CENPP: variants seen among roughly 807,000 people sequenced by gnomAD.
CENPP encodes the protein centromere protein P.
Under a neutral mutation model 35.6 loss-of-function variants are expected in CENPP, and 24 were observed. The observed-to-expected ratio is 0.67, with a 90% CI of 0.49 to 0.95. CENPP has a LOEUF of 0.95. Among genes scored for constraint, CENPP ranks in the 40% least tolerant of loss-of-function variants. The pLI, the probability that CENPP is intolerant of heterozygous loss-of-function variation, is 0.00. For missense variants in CENPP, 332 were observed against 345.3 expected, an observed-to-expected ratio of 0.96 and a Z score of 0.31; for synonymous variants, 120 against 125.5, an observed-to-expected ratio of 0.96 and a Z score of 0.29.
rs1199022445 is a variant in CENPP, at chr9:92,600,646, CT to C, written c.565-10667del. ...GTCATGCCCTGGTCGGCCATCCCTT[CT>C]GGTGGGGGTTGTGTTTTTGCTCCTG... is the stretch of plus-strand genomic sequence containing the variant. On this transcript the variant is annotated intron_variant, in intron 5 of 7. Coordinates refer to ENST00000375587, the MANE Select transcript of CENPP (RefSeq NM_001012267.3). 1.2e-4 allele frequency: 174 copies of C among 1,446,202 alleles called. No individual in the cohort carries two copies. The East Asian group carries it at 4.2e-3, about 35-fold the overall frequency. The allele number at this position is 1,446,202 out of a possible 1,614,324, so 89.6% of individuals were successfully genotyped here. A position where few individuals can be genotyped will look rare whatever the true frequency, so the allele number is the denominator to read the frequency against.
chr9:92,500,974 C>T, intron 5 of CENPP: 8 of 1,614,142 alleles, frequency 5.0e-6, no homozygotes, highest in Non-Finnish European at 6.8e-6. Context: ...CCAAGGAGTA[C>T]TAGGTGCAGC....
At chr9:92,541,424 C>G (rs1413081235) in intron 5 of CENPP, among the ~76,000 whole-genome samples, 2 of 136,750 alleles carry the variant, frequency 1.5e-5, no homozygotes, top group East Asian at 4.9e-4. Flanking sequence ...CCCTCCCCAC[C>G]CCGCCCACAC....
chr9:92,510,055 G>T (rs1394999299), intron 5 of CENPP: 1 of 1,582,974 alleles, frequency 6.3e-7, no homozygotes, highest in African/African-American at 1.4e-5. Flanking sequence ...AAATCTCAAA[G>T]TTACTTTTTT....
intron 5 of CENPP, among the ~76,000 whole-genome samples, chr9:92,380,979 T>C (rs1842228241): frequency 2.0e-5 from 3 of 152,222 alleles, no homozygotes; most frequent in Non-Finnish European, 4.4e-5. Context: ...TGGTCTTTGC[T>C]AGTTATAAAA....
At chr9:92,482,917 T>C (rs2131106255) in intron 5 of CENPP, among the ~76,000 whole-genome samples, 1 of 152,278 alleles carries the variant, frequency 6.6e-6, no homozygotes, top group African/African-American at 2.4e-5. Flanking sequence ...AGACTTTTTT[T>C]TTTTTTTAAG....
intron 5 of CENPP, among the ~76,000 whole-genome samples, chr9:92,523,503 A>G (rs1000513761): frequency 6.6e-6 from 1 of 152,192 alleles, no homozygotes; most frequent in African/African-American, 2.4e-5. Flanking sequence ...GATGGGAGCC[A>G]GGGGGCCAGT....
intron 4 of CENPP, among the ~76,000 whole-genome samples, chr9:92,362,267 C>G (rs2130835754): frequency 6.6e-6 from 1 of 152,148 alleles, no homozygotes; most frequent in East Asian, 1.9e-4. Context: ...ATAGTTCTAG[C>G]TACCTGAGGG....
chr9:92,378,211 G>T (rs1007495432), intron 4 of CENPP, among the ~76,000 whole-genome samples: 2 of 152,170 alleles, frequency 1.3e-5, no homozygotes, highest in African/African-American at 4.8e-5. Flanking sequence ...TGGTTGACAG[G>T]CTTCACACCT....
At chr9:92,401,063 C>T (rs752094485) in intron 5 of CENPP, 2 of 1,020,006 alleles carry the variant, frequency 2.0e-6, no homozygotes, top group African/African-American at 1.6e-5. Flanking sequence ...TTAAAAGATC[C>T]ATTTGAAAAA....
chr9:92,343,684 G>A (rs57537991), intron 3 of CENPP, among the ~76,000 whole-genome samples: 2,751 of 152,260 alleles, frequency 0.018, 93 homozygotes, highest in African/African-American at 0.062. Context: ...ATTGGCTCAC[G>A]CCTATAATCT....
intron 5 of CENPP, among the ~76,000 whole-genome samples, chr9:92,522,150 G>T (rs753006772): frequency 5.9e-5 from 9 of 152,078 alleles, no homozygotes; most frequent in Non-Finnish European, 1.2e-4. Flanking sequence ...GCAGTGGTGT[G>T]ATCTCTGCTC....
chr9:92,549,526 A>T (rs1236926647), intron 5 of CENPP, among the ~76,000 whole-genome samples: 1 of 152,132 alleles, frequency 6.6e-6, no homozygotes, highest in Non-Finnish European at 1.5e-5. Flanking sequence ...ACACGCCTGT[A>T]GTCCCAGCCA....
At chr9:92,551,942 T>TATATATATATG (rs1563999974) in intron 5 of CENPP, among the ~76,000 whole-genome samples, 1 of 79,520 alleles carries the variant, frequency 1.3e-5, no homozygotes, top group Non-Finnish European at 2.3e-5. Flanking sequence ...TATATATATA[T>TATATATATATG]ATATATATAT....
At chr9:92,579,602 T>C (rs1160498830) in intron 5 of CENPP, among the ~76,000 whole-genome samples, 1 of 151,618 alleles carries the variant, frequency 6.6e-6, no homozygotes, top group Non-Finnish European at 1.5e-5. Context: ...GCTCTCTGTT[T>C]GTCTGTTATT....
chr9:92,522,931 A>T, intron 5 of CENPP: 1 of 1,503,566 alleles, frequency 6.7e-7, no homozygotes, highest in South Asian at 1.4e-5. Context: ...GTGGTGACTA[A>T]ATTTTTACTT....
chr9:92,334,695 C>A (rs1436946323), intron 2 of CENPP, among the ~76,000 whole-genome samples: 1 of 152,008 alleles, frequency 6.6e-6, no homozygotes, highest in Non-Finnish European at 1.5e-5. Context: ...GCCTGGCTAA[C>A]ATGGTAAAAC....
chr9:92,593,868 A>G lies in CENPP; in HGVS notation c.565-17446A>G, dbSNP rs1588303135. Reference sequence around the variant, plus strand: ...GCAGTAGATAAAGGGAACCCGGTAGAGAAGCCAAGAATATAGGTACACTTT... The same window carrying G: ...GCAGTAGATAAAGGGAACCCGGTAGGGAAGCCAAGAATATAGGTACACTTT... On this transcript the variant is annotated intron_variant, in intron 5 of 7. Transcript: ENST00000375587. The surrounding 1 kb of genome is among the most constrained non-coding windows in gnomAD (Gnocchi z 4.1). Among the ~76,000 whole-genome samples the G allele has an allele frequency of 1.3e-5, 2 of 152,366 alleles. No individual in the cohort carries two copies. Among genetic ancestry groups the G allele is most frequent in the Admixed American group, 1.3e-4 (2 of 15,308 alleles).
chr9:92,402,923 A>G (rs1317911838), intron 5 of CENPP, among the ~76,000 whole-genome samples: 1 of 152,204 alleles, frequency 6.6e-6, no homozygotes, highest in Non-Finnish European at 1.5e-5. Flanking sequence ...TTGCAAGTAT[A>G]GGGCATTGTG....
At chr9:92,348,468 C>T (rs1841359709) in intron 4 of CENPP, among the ~76,000 whole-genome samples, 1 of 151,446 alleles carries the variant, frequency 6.6e-6, no homozygotes, top group Non-Finnish European at 1.5e-5. Flanking sequence ...TCTCAGCTCA[C>T]TGCAACCTCT....
Sources: allele counts gnomAD v4.1 joint callset (sites outside exome capture counted in the v4.1 genomes callset), GRCh38; gene constraint gnomAD v4.1.1; non-coding constraint Gnocchi (gnomAD v3.1); transcripts MANE v1.5; gene names NCBI Gene and HGNC (gene_info 2026-07-23, HGNC 2026-07-21).